CHD2: variants seen among roughly 807,000 people sequenced by gnomAD.
The protein encoded by CHD2 is ATP-dependent chromatin remodeler CHD2.
In CHD2, 28 loss-of-function variants were observed where a neutral mutation model predicts 243.9. The observed-to-expected ratio is 0.11, with a 90% CI of 0.09 to 0.16. The LOEUF (loss-of-function observed/expected upper bound fraction) is 0.16, where lower values mean the gene tolerates loss of function less well. Ranked by LOEUF, CHD2 falls within the 10% of genes least tolerant of loss-of-function variation. The pLI is 1.00. For synonymous variants in CHD2, 775 were observed against 779.0 expected, an observed-to-expected ratio of 0.99 and a Z score of 0.09; for missense variants, 1,386 against 2,209.8, an observed-to-expected ratio of 0.63 and a Z score of 7.47.
Position 92,998,392 on chromosome 15 carries a change from G to T in CHD2, c.3886-107G>T, listed in dbSNP as rs1017252178. 2 of 1,508,978 alleles carry T rather than the reference G, an allele frequency of 1.3e-6. No homozygotes were observed. The highest frequency in any genetic ancestry group is 1.8e-6 in the Non-Finnish European group (2 of 1,116,194). The allele number at this position is 1,508,978 out of a possible 1,614,324, so 93.5% of individuals were successfully genotyped here. On this transcript the variant is annotated intron_variant, in intron 30 of 38. Coordinates refer to ENST00000394196, the MANE Select transcript of CHD2 (RefSeq NM_001271.4). This position sits in a 1 kb window ranked among gnomAD's most constrained non-coding sequence, Gnocchi z 5.1. Reference sequence around the variant, plus strand: ...TGAGGCTTTATCTATATTTTGGGTGGTTGGGGAGGGAAAGGACTGTGCTCA... The same window carrying T: ...TGAGGCTTTATCTATATTTTGGGTGTTTGGGGAGGGAAAGGACTGTGCTCA...
At chr15:92,972,544 A>C (rs2053854510) in intron 19 of CHD2, 127 bp downstream of exon 19, 1 of 876,822 alleles carries the variant, frequency 1.1e-6, no homozygotes. Context: ...TCTTGTTTCA[A>C]AGAAGTTAAG....
chr15:92,918,224 C>T (rs2052880829), intron 2 of CHD2, among the ~76,000 whole-genome samples: 2 of 152,138 alleles, frequency 1.3e-5, no homozygotes, highest in African/African-American at 2.4e-5. Context: ...CCGTTTTTAC[C>T]TACTTCAGAA....
chr15:92,985,584 T>C lies in CHD2; in HGVS notation c.3324T>C (p.Ser1108=), dbSNP rs756170724. 6.2e-7 allele frequency: 1 copy of C among 1,614,086 alleles called. No individual in the cohort carries two copies. Among genetic ancestry groups the C allele is most frequent in the Non-Finnish European group, 8.5e-7 (1 of 1,180,006 alleles). The change falls in exon 26 of 39, where the codon TCT becomes TCC. Residue 1108 remains serine, a synonymous_variant. Transcript: ENST00000394196. ...SSASESETED[S]DDDKKPKRRG... ...CTTCTGAGAGTGAAACGGAAGACTC[T>C]GATGATGACAAGAAGCCAAAGCGCA...
chr15:92,920,119 C>G (rs1320358128), intron 2 of CHD2, among the ~76,000 whole-genome samples: 1 of 151,932 alleles, frequency 6.6e-6, no homozygotes. Context: ...CATTTATACA[C>G]ATAGATATAT....
At chr15:92,926,704 A>G (rs2053067932) in intron 3 of CHD2, among the ~76,000 whole-genome samples, 1 of 152,236 alleles carries the variant, frequency 6.6e-6, no homozygotes, top group African/African-American at 2.4e-5. Context: ...AAAGGGTGGC[A>G]GTGGTTCTCA....
intron 2 of CHD2, chr15:92,901,934 GTT>G: frequency 2.8e-6 from 1 of 357,102 alleles, no homozygotes; most frequent in East Asian, 4.1e-5. Context: ...TTACTTGATG[GTT>G]AGAGTTCCTG....
intron 12 of CHD2, among the ~76,000 whole-genome samples, chr15:92,948,452 T>C (rs1314098694): frequency 6.6e-6 from 1 of 152,144 alleles, no homozygotes; most frequent in Non-Finnish European, 1.5e-5. Flanking sequence ...TAAAAATATT[T>C]TATTTGAGGA....
rs994832455 is a variant in CHD2, at chr15:93,002,043, G to A, written c.4138-134G>A. On this transcript the variant is annotated intron_variant, in intron 32 of 38. Transcript: ENST00000394196. ...GTTTAGACTTCTCTGAGTCCCTTGAGGCTATTTGCTTGAAAACAAGCTTCT... is the reference window on the plus strand; with the variant it reads ...GTTTAGACTTCTCTGAGTCCCTTGAAGCTATTTGCTTGAAAACAAGCTTCT... 6.8e-6 allele frequency: 8 copies of A among 1,182,776 alleles called. No individual in the cohort carries two copies. The African/African-American group carries it at 7.9e-5, about 12-fold the overall frequency. The allele number at this position is 1,182,776 out of a possible 1,614,324, so 73.3% of individuals were successfully genotyped here.
At chr15:93,012,067 A>C (rs2054400653) in intron 35 of CHD2, among the ~76,000 whole-genome samples, 1 of 152,172 alleles carries the variant, frequency 6.6e-6, no homozygotes. Context: ...TCCTCACATA[A>C]CGTTGTTTCC....
chr15:92,938,461 A>G (rs980661263), intron 6 of CHD2, among the ~76,000 whole-genome samples: 2 of 152,218 alleles, frequency 1.3e-5, no homozygotes, highest in Non-Finnish European at 2.9e-5. Context: ...GGCAGAGCCT[A>G]AAATATTTAC....
At chr15:93,009,473 C>G (rs1343456038) in intron 35 of CHD2, 150 bp downstream of exon 35, 3 of 700,932 alleles carry the variant, frequency 4.3e-6, no homozygotes, top group Non-Finnish European at 6.9e-6. Flanking sequence ...GGCTTTAACT[C>G]CCTTTCCATG....
chr15:93,006,006 C>T (rs903041134), intron 34 of CHD2, among the ~76,000 whole-genome samples: 1 of 151,914 alleles, frequency 6.6e-6, no homozygotes, highest in Non-Finnish European at 1.5e-5. Flanking sequence ...ATATAATAGT[C>T]ATTGATAAAT....
chr15:93,022,171 T>TC (rs2054542119), intron 38 of CHD2: 1 of 152,182 alleles, frequency 6.6e-6, no homozygotes, highest in Non-Finnish European at 1.5e-5. Context: ...GGCGCACAGT[T>TC]CCGCAGGCTG....
chr15:92,912,650 C>A (rs1293763147), intron 2 of CHD2, among the ~76,000 whole-genome samples: 2 of 152,254 alleles, frequency 1.3e-5, no homozygotes, highest in Non-Finnish European at 2.9e-5. Context: ...TCTCCTGCCT[C>A]AGCCTTCTGA....
chr15:92,945,914 T>G, intron 11 of CHD2, 49 bp downstream of exon 11: 1 of 1,488,670 alleles, frequency 6.7e-7, no homozygotes. Flanking sequence ...TTCAGAACAG[T>G]GTATGTTTTG....
chr15:92,949,265 T>A (rs530092602), intron 13 of CHD2, 189 bp downstream of exon 13: 1 of 1,379,740 alleles, frequency 7.2e-7, no homozygotes, highest in Admixed American at 3.2e-5. Context: ...GTATGTGTAA[T>A]ACCATTTTAT....
intron 2 of CHD2, chr15:92,904,779 G>T (rs1195729630): frequency 5.7e-6 from 8 of 1,394,442 alleles, no homozygotes; most frequent in African/African-American, 1.5e-5. Flanking sequence ...CCTTCTCCCC[G>T]CCCCCGTTCA....
intron 7 of CHD2, among the ~76,000 whole-genome samples, chr15:92,940,462 A>T (rs986415679): frequency 5.9e-5 from 9 of 152,172 alleles, no homozygotes; most frequent in African/African-American, 4.8e-5. Context: ...GAAAAAGGAA[A>T]ATGAAATAAA....
intron 38 of CHD2, chr15:93,020,508 T>C: frequency 1.7e-6 from 1 of 603,856 alleles, no homozygotes; most frequent in Non-Finnish European, 2.9e-6. Flanking sequence ...AGTGAAGAGG[T>C]CGCCATAAAA....
Sources: gnomAD v4.1 joint callset for allele counts (sites outside exome capture counted in the v4.1 genomes callset) on GRCh38, gnomAD v4.1.1 for gene constraint, Gnocchi (gnomAD v3.1) non-coding constraint, MANE v1.5 for transcripts, NCBI Gene and HGNC (gene_info 2026-07-23, HGNC 2026-07-21) for gene names.